Variants in EDIL3 observed in about 807,000 individuals in gnomAD.
EDIL3 encodes the protein EGF like and discoidin domains 3.
Under a neutral mutation model 67.4 loss-of-function variants are expected in EDIL3, and 37 were observed. The ratio of observed to expected loss-of-function variants is 0.55; its 90% CI spans 0.42 to 0.72. EDIL3 has a LOEUF of 0.72. EDIL3 is among the 30% of genes least tolerant of loss of function. The pLI is 0.00. For synonymous variants in EDIL3, 195 were observed against 196.3 expected (o/e 0.99, Z 0.05); for missense variants, 527 against 586.3 (o/e 0.90, Z 1.04).
At chr5:84,358,118 C>A (rs1187166618) in intron 1 of EDIL3, among the ~76,000 whole-genome samples, 1 of 152,066 alleles carries the variant, frequency 6.6e-6, no homozygotes, top group Non-Finnish European at 1.5e-5. Flanking sequence ...ATGGGAACCC[C>A]AGAATTTGTA....
chr5:84,089,640 T>A (rs182347971), intron 6 of EDIL3, among the ~76,000 whole-genome samples: 1 of 152,322 alleles, frequency 6.6e-6, no homozygotes, highest in East Asian at 1.9e-4. Flanking sequence ...TCCTAAACTC[T>A]AGTTCTGACA....
intron 10 of EDIL3, among the ~76,000 whole-genome samples, chr5:83,960,813 T>C (rs1398777116): frequency 6.6e-5 from 10 of 150,916 alleles, no homozygotes; most frequent in African/African-American, 2.4e-4. Context: ...ATAACAAAAA[T>C]AGATGTGACA....
At chr5:84,096,984 C>T (rs1747276279) in intron 6 of EDIL3, among the ~76,000 whole-genome samples, 1 of 152,140 alleles carries the variant, frequency 6.6e-6, no homozygotes, top group Admixed American at 6.5e-5. Context: ...TCACTTGCTC[C>T]TCCTTGCCTT....
intron 9 of EDIL3, 122 bp downstream of exon 9, chr5:84,060,178 A>G (rs2112235022): frequency 3.4e-6 from 4 of 1,193,830 alleles, no homozygotes; most frequent in Non-Finnish European, 4.7e-6. Context: ...ATTTAGTTAA[A>G]CCGAAGATGA....
At position 84,106,438 on chromosome 5, in the gene EDIL3, C is replaced by T. The variant is rs80337629; in HGVS notation, c.651+211G>A. On this transcript the variant is annotated intron_variant, in intron 6 of 10. Coordinates refer to ENST00000296591, the MANE Select transcript of EDIL3 (RefSeq NM_005711.5). ...GATATTTATACCTGAATATTTTTAA[C>T]GTTTTTGATCTCTTTAACTAACTTC... 9.6e-3 allele frequency among the ~76,000 whole-genome samples: 1,460 copies of T among 152,102 alleles called. 61 individuals are homozygous for T. The East Asian group carries it at 0.1, about 11-fold the overall frequency.
Position 84,141,720 on chromosome 5 carries a change from T to C in EDIL3, c.356-4366A>G, listed in dbSNP as rs146092028. Among the ~76,000 whole-genome samples the C allele has an allele frequency of 3.9e-3, 582 of 148,920 alleles. 5 individuals carry two copies. Among genetic ancestry groups the C allele is most frequent in the African/African-American group, 0.013 (549 of 41,018 alleles). On this transcript the variant is annotated intron_variant, in intron 4 of 10. Coordinates refer to ENST00000296591, the MANE Select transcript of EDIL3 (RefSeq NM_005711.5). ...GTTCCTTGCCTCTGTTATAACTAAT[T>C]ACACAGATTCATTGATTTTATATGC...
intron 10 of EDIL3, among the ~76,000 whole-genome samples, chr5:83,950,014 C>T (rs911589091): frequency 6.6e-6 from 1 of 151,760 alleles, no homozygotes; most frequent in Non-Finnish European, 1.5e-5. Flanking sequence ...GTAGGAGCTT[C>T]CACAAAAACT....
In EDIL3 at chr5:84,141,928, T is replaced by TATATATAC. The variant is rs1554069992; in HGVS notation, c.356-4575_356-4574insGTATATAT. Among the ~76,000 whole-genome samples, 871 of 121,248 alleles carry TATATATAC rather than the reference T, an allele frequency of 7.2e-3. 12 individuals are homozygous for TATATATAC. Among genetic ancestry groups the TATATATAC allele is most frequent in the South Asian group, 0.028 (109 of 3,878 alleles). The allele number at this position is 121,248 out of a possible 152,430, so 79.5% of individuals were successfully genotyped here. ...ACTCATATATATATATATATACACA[T>TATATATAC]ATATATATATATATATATACATAGA... On this transcript the variant is annotated intron_variant, in intron 4 of 10. Transcript: ENST00000296591.
intron 1 of EDIL3, among the ~76,000 whole-genome samples, chr5:84,361,306 T>A (rs1024545161): frequency 8.4e-6 from 1 of 119,566 alleles, no homozygotes; most frequent in South Asian, 2.6e-4. Context: ...CACACACACT[T>A]CAGATTTCTA....
At chr5:84,156,110 G>T (rs1748485113) in intron 4 of EDIL3, among the ~76,000 whole-genome samples, 1 of 152,184 alleles carries the variant, frequency 6.6e-6, no homozygotes, top group East Asian at 1.9e-4. Flanking sequence ...GTTTTATTCA[G>T]TGTTGTCAAT....
At chr5:84,133,472 A>G (rs1450831837) in intron 5 of EDIL3, among the ~76,000 whole-genome samples, 4 of 149,558 alleles carry the variant, frequency 2.7e-5, no homozygotes, top group Non-Finnish European at 5.9e-5. Context: ...TACAAAAAAA[A>G]AAAAAAAAAA....
At chr5:84,034,261 A>G (rs1476438389) in intron 9 of EDIL3, among the ~76,000 whole-genome samples, 1 of 152,212 alleles carries the variant, frequency 6.6e-6, no homozygotes, top group African/African-American at 2.4e-5. Flanking sequence ...AGATGCAATC[A>G]TTTCATTGAG....
chr5:84,149,710 A>C lies in EDIL3; in HGVS notation c.356-12356T>G, dbSNP rs542420858. On this transcript the variant is annotated intron_variant, in intron 4 of 10. Transcript: ENST00000296591. Reference sequence around the variant, plus strand: ...TATTAAAATTAGCAGAGAAGTAATTAAAACAGTTATTAAAACTGTATTCCA... The same window carrying C: ...TATTAAAATTAGCAGAGAAGTAATTCAAACAGTTATTAAAACTGTATTCCA... 3.9e-5 allele frequency among the ~76,000 whole-genome samples: 6 copies of C among 152,062 alleles called. No individual in the cohort carries two copies. The Middle Eastern group carries it at 0.01, about 259-fold the overall frequency.
At chr5:84,131,672 C>A (rs762610791) in intron 5 of EDIL3, among the ~76,000 whole-genome samples, 1 of 151,974 alleles carries the variant, frequency 6.6e-6, no homozygotes, top group Non-Finnish European at 1.5e-5. Context: ...ATTAAAAAAT[C>A]AATATTTAAA....
chr5:84,224,237 C>A (rs1744404731), intron 3 of EDIL3, among the ~76,000 whole-genome samples: 1 of 151,384 alleles, frequency 6.6e-6, no homozygotes, highest in Non-Finnish European at 1.5e-5. Context: ...ATTCCCAGCC[C>A]TGTATTAAAT....
chr5:83,988,756 TTATATC>T (rs1745097505), intron 9 of EDIL3, among the ~76,000 whole-genome samples: 1 of 152,168 alleles, frequency 6.6e-6, no homozygotes, highest in Admixed American at 6.6e-5. Context: ...TAATTTTCCT[TTATATC>T]TAGTCAAAAC....
intron 4 of EDIL3, among the ~76,000 whole-genome samples, chr5:84,171,502 TTAAG>T (rs1748810919): frequency 6.6e-6 from 1 of 152,138 alleles, no homozygotes; most frequent in Non-Finnish European, 1.5e-5. Flanking sequence ...GTGGATCCGA[TTAAG>T]TGAGGGTCAG....
At chr5:84,158,086 G>C (rs1305712583) in intron 4 of EDIL3, among the ~76,000 whole-genome samples, 3 of 152,028 alleles carry the variant, frequency 2.0e-5, no homozygotes, top group Non-Finnish European at 4.4e-5. Flanking sequence ...TATATATGAG[G>C]AAAGATTCTT....
In EDIL3 at chr5:84,384,863, C is replaced by T. The variant is rs1748201790; in HGVS notation, c.-489G>A. The stretch of plus-strand genomic sequence containing the variant: ...CCGCCGGGAGCGCACTGTGTACAAA[C>T]AGAGGCGGCGTGCGTGTGAGTCTGA... On this transcript the variant is annotated 5_prime_UTR_variant, in exon 1 of 11. Transcript: ENST00000296591. 6.6e-6 allele frequency: 1 copy of T among 152,346 alleles called. No individual in the cohort carries two copies. The highest frequency in any genetic ancestry group is 2.4e-5 in the African/African-American group (1 of 41,452). The allele number at this position is 152,346 out of a possible 1,614,324, so 9.4% of individuals were successfully genotyped here.
Sources: allele counts gnomAD v4.1 joint callset (sites outside exome capture counted in the v4.1 genomes callset), GRCh38; gene constraint gnomAD v4.1.1; transcripts MANE v1.5; gene names NCBI Gene and HGNC (gene_info 2026-07-23, HGNC 2026-07-21).